The following KLF7 variants were observed in gnomAD, a reference collection of about 807,000 sequenced individuals.
KLF7 encodes the protein KLF transcription factor 7, also known as Krueppel-like factor 7.
In KLF7, 2 loss-of-function variants were observed where a neutral mutation model predicts 27.3. That is an observed-to-expected ratio of 0.07 (90% confidence interval 0.03 to 0.23). The LOEUF (loss-of-function observed/expected upper bound fraction) is 0.23, where lower values mean the gene tolerates loss of function less well. Among genes scored for constraint, KLF7 ranks in the 10% least tolerant of loss-of-function variants. The pLI is 1.00. For synonymous variants in KLF7, 165 were observed against 162.4 expected (o/e 1.02, Z -0.12); for missense variants, 221 against 394.1 (o/e 0.56, Z 3.72).
intron 1 of KLF7, among the ~76,000 whole-genome samples, chr2:207,127,910 T>TAC (rs1403050271): frequency 2.0e-5 from 3 of 152,142 alleles, no homozygotes; most frequent in Non-Finnish European, 4.4e-5. Flanking sequence ...GATTTTAATA[T>TAC]ACACACACAT....
At chr2:207,158,827 C>G (rs2078461124) in intron 1 of KLF7, among the ~76,000 whole-genome samples, 1 of 152,090 alleles carries the variant, frequency 6.6e-6, no homozygotes, top group Non-Finnish European at 1.5e-5. Flanking sequence ...TTCTTGCCTC[C>G]TTTGAAGGCA....
intron 2 of KLF7, among the ~76,000 whole-genome samples, chr2:207,108,306 G>A (rs1211483340): frequency 6.6e-6 from 1 of 152,230 alleles, no homozygotes; most frequent in Non-Finnish European, 1.5e-5. Flanking sequence ...TATCAGCAAG[G>A]AAAAGGCTAT....
chr2:207,116,395 A>AT (rs2077189217), intron 2 of KLF7, among the ~76,000 whole-genome samples: 1 of 152,206 alleles, frequency 6.6e-6, no homozygotes, highest in Non-Finnish European at 1.5e-5. Flanking sequence ...TTCAAAACCA[A>AT]TTTGTTTAAA....
At chr2:207,133,197 G>A (rs1007518813) in intron 1 of KLF7, among the ~76,000 whole-genome samples, 1 of 152,136 alleles carries the variant, frequency 6.6e-6, no homozygotes, top group African/African-American at 2.4e-5. Context: ...ACTCACTGGT[G>A]GAAATCCCAC....
intron 2 of KLF7, among the ~76,000 whole-genome samples, chr2:207,092,024 C>G (rs2076523681): frequency 6.6e-6 from 1 of 152,184 alleles, no homozygotes; most frequent in Non-Finnish European, 1.5e-5. Context: ...TCAGTGGTAC[C>G]AGAGCAGGTT....
At chr2:207,091,073 C>A (rs2076500055) in intron 2 of KLF7, among the ~76,000 whole-genome samples, 1 of 152,068 alleles carries the variant, frequency 6.6e-6, no homozygotes, top group Non-Finnish European at 1.5e-5. Context: ...CATCTAGTTC[C>A]CAGAATCAAT....
intron 1 of KLF7, among the ~76,000 whole-genome samples, chr2:207,137,246 G>A (rs1173561784): frequency 6.6e-6 from 1 of 152,116 alleles, no homozygotes; most frequent in Non-Finnish European, 1.5e-5. Context: ...AGGGTCACAG[G>A]AATTCATTCC....
chr2:207,136,227 C>T (rs1205499336), intron 1 of KLF7, among the ~76,000 whole-genome samples: 1 of 152,136 alleles, frequency 6.6e-6, no homozygotes, highest in Non-Finnish European at 1.5e-5. Context: ...CTGGCTCAAA[C>T]TTCTTGCTGA....
intron 2 of KLF7, among the ~76,000 whole-genome samples, chr2:207,099,762 T>C (rs1026272464): frequency 7.2e-5 from 11 of 151,910 alleles, no homozygotes; most frequent in African/African-American, 2.2e-4. Flanking sequence ...AGAAGTAGCT[T>C]AAGCATATCA....
chr2:207,088,994 A>T (rs111304104), intron 2 of KLF7, among the ~76,000 whole-genome samples: 240 of 152,296 alleles, frequency 1.6e-3, no homozygotes, highest in Non-Finnish European at 2.7e-3. Context: ...TTTTCTCCAG[A>T]ACCTACACTC....
intron 2 of KLF7, among the ~76,000 whole-genome samples, chr2:207,107,162 G>A (rs560605794): frequency 6.6e-6 from 1 of 152,240 alleles, no homozygotes; most frequent in Non-Finnish European, 1.5e-5. Flanking sequence ...ACCTCTCACA[G>A]GTGAAAGCAT....
intron 2 of KLF7, among the ~76,000 whole-genome samples, chr2:207,117,678 C>T (rs1208610162): frequency 6.6e-6 from 1 of 152,294 alleles, no homozygotes; most frequent in East Asian, 1.9e-4. Flanking sequence ...CAGTTCCACA[C>T]TGAGGTATTA....
In KLF7 at chr2:207,080,870, A is replaced by C; in HGVS notation, c.*343T>G. ...GTCACATCCATTTTCTTTGATTTCCATTGGCAACAGCGGGAAATAATTCCA... is the reference window on the plus strand; with the variant it reads ...GTCACATCCATTTTCTTTGATTTCCCTTGGCAACAGCGGGAAATAATTCCA... On this transcript the variant is annotated 3_prime_UTR_variant, in exon 4 of 4. Coordinates refer to ENST00000309446, the MANE Select transcript of KLF7 (RefSeq NM_003709.4). The C allele has an allele frequency of 7.2e-6, 3 of 415,842 alleles. No individual in the cohort carries two copies. Among genetic ancestry groups the C allele is most frequent in the Non-Finnish European group, 1.3e-5 (3 of 235,912 alleles). The allele number at this position is 415,842 out of a possible 1,614,324, so 25.8% of individuals were successfully genotyped here. A position where few individuals can be genotyped will look rare whatever the true frequency, so the allele number is the denominator to read the frequency against.
chr2:207,143,261 GAGTT>G (rs1559157392), intron 1 of KLF7, among the ~76,000 whole-genome samples: 1 of 152,086 alleles, frequency 6.6e-6, no homozygotes, highest in Non-Finnish European at 1.5e-5. Flanking sequence ...GATCAACAAT[GAGTT>G]AGGAAATTCT....
upstream of KLF7, among the ~76,000 whole-genome samples, chr2:207,171,076 T>C (rs1248995147): frequency 1.3e-5 from 2 of 150,148 alleles, no homozygotes; most frequent in East Asian, 3.9e-4. Context: ...ACATTTGTGA[T>C]TCATTTGTGG....
intron 2 of KLF7, among the ~76,000 whole-genome samples, chr2:207,103,838 A>G (rs1002787276): frequency 6.6e-6 from 1 of 152,278 alleles, no homozygotes; most frequent in African/African-American, 2.4e-5. Flanking sequence ...GATGCTTCAT[A>G]TGCTGCAAAG....
chr2:207,169,271 G>A (rs547126469), upstream of KLF7, among the ~76,000 whole-genome samples: 10 of 152,122 alleles, frequency 6.6e-5, no homozygotes, highest in South Asian at 6.2e-4. Context: ...CCCCCCACCC[G>A]GGGGGAGCTT....
In KLF7 at chr2:207,124,307, G is replaced by A. The variant is rs1196134985; in HGVS notation, c.200C>T (p.Pro67Leu). The A allele has an allele frequency of 6.2e-7, 1 of 1,613,350 alleles. No homozygotes were observed. Among genetic ancestry groups the A allele is most frequent in the Non-Finnish European group, 8.5e-7 (1 of 1,179,454 alleles). ...DLDCFLHASP[P>L]PCIEESFRRL... ...ACGGAAGCTTTCCTCAATGCACGGG[G>A]GAGGGGAAGCGTGGAGGAAACAGTC... Residue 67 changes from proline (P) to leucine (L), a missense_variant, in exon 2 of 4, where the codon CCC (proline) becomes CTC (leucine). This residue lies in a region of KLF7 where 180 missense variants were observed against 227.9 expected (regional missense o/e 0.79). Transcript: ENST00000309446.
At chr2:207,114,867 C>T (rs1161989164) in intron 2 of KLF7, among the ~76,000 whole-genome samples, 1 of 152,160 alleles carries the variant, frequency 6.6e-6, no homozygotes, top group Non-Finnish European at 1.5e-5. Flanking sequence ...TTTAGCTCAT[C>T]TAGTGAAACA....
Sources: gnomAD v4.1 joint callset for allele counts (sites outside exome capture counted in the v4.1 genomes callset) on GRCh38, gnomAD v4.1.1 for gene constraint, gnomAD v4.1.1 regional missense constraint, MANE v1.5 for transcripts, NCBI Gene and HGNC (gene_info 2026-07-23, HGNC 2026-07-21) for gene names.